Variants in MTRF1 observed in about 807,000 individuals in gnomAD.
MTRF1 encodes the protein mitochondrial translation release factor 1.
In MTRF1, 51 loss-of-function variants were observed where a neutral mutation model predicts 62.9. That is an observed-to-expected ratio of 0.81 (90% CI 0.65 to 1.02). The LOEUF (loss-of-function observed/expected upper bound fraction) is 1.02. Among genes scored for constraint, MTRF1 ranks in the 50% least tolerant of loss-of-function variants. The pLI is 0.00. For missense variants in MTRF1, 446 were observed against 530.0 expected, an observed-to-expected ratio of 0.84 and a Z score of 1.56; for synonymous variants, 158 against 181.9, an observed-to-expected ratio of 0.87 and a Z score of 1.06.
chr13:41,283,812 C>T, the MTRF1 span, among the ~76,000 whole-genome samples: 4 of 151,700 alleles, frequency 2.6e-5, no homozygotes, highest in Non-Finnish European at 4.4e-5. Context: ...CTCCTGACCT[C>T]GTGATCCACC....
upstream of MTRF1, chr13:41,263,644 C>G (rs546448951): frequency 3.0e-4 from 53 of 174,350 alleles, no homozygotes; most frequent in African/African-American, 9.0e-4. Context: ...CACTACCGCT[C>G]TCCGGAGGAG....
intron 5 of MTRF1, among the ~76,000 whole-genome samples, chr13:41,244,585 T>C (rs2037991172): frequency 6.6e-6 from 1 of 152,186 alleles, no homozygotes; most frequent in Non-Finnish European, 1.5e-5. Flanking sequence ...ATCAATAGCA[T>C]ATGGTATGAC....
chr13:41,299,695 CA>C, the MTRF1 span, among the ~76,000 whole-genome samples: 1 of 150,460 alleles, frequency 6.6e-6, no homozygotes, highest in Admixed American at 6.6e-5. Context: ...TTAAATTTGT[CA>C]ATTGAACTGA....
chr13:41,262,932 A>C (rs2040629442), intron 1 of MTRF1, among the ~76,000 whole-genome samples: 1 of 152,252 alleles, frequency 6.6e-6, no homozygotes, highest in African/African-American at 2.4e-5. Flanking sequence ...TAGGAAATAA[A>C]ATAGTCAGAA....
At chr13:41,217,680 T>G (rs1211973735) in intron 9 of MTRF1, among the ~76,000 whole-genome samples, 1 of 152,250 alleles carries the variant, frequency 6.6e-6, no homozygotes, top group African/African-American at 2.4e-5. Flanking sequence ...TCACATTATG[T>G]TATTTCCCAG....
intron 8 of MTRF1, 45 bp from the exon 9 acceptor site, chr13:41,223,399 T>G: frequency 6.7e-7 from 1 of 1,481,498 alleles, no homozygotes; most frequent in East Asian, 2.3e-5. Context: ...TTTATAAATG[T>G]CTTCATTACA....
At chr13:41,299,813 G>A in the MTRF1 span, among the ~76,000 whole-genome samples, 8 of 151,958 alleles carry the variant, frequency 5.3e-5, no homozygotes, top group Middle Eastern at 3.4e-3. Flanking sequence ...AAGCTCTAAG[G>A]CATAATTCAA....
chr13:41,244,397 T>C (rs954354084), intron 5 of MTRF1, among the ~76,000 whole-genome samples: 5 of 152,196 alleles, frequency 3.3e-5, no homozygotes, highest in African/African-American at 1.2e-4. Context: ...GTGTTGGTCG[T>C]TCTAGCTGGG....
At chr13:41,269,199 G>GTTTTTTTTTTTTTTTTTTTTGTT in the MTRF1 span, among the ~76,000 whole-genome samples, 1 of 68,698 alleles carries the variant, frequency 1.5e-5, no homozygotes. Context: ...TTTTTTTTTG[G>GTTTTTTTTTTTTTTTTTTTTGTT]TTTTTTTTTT....
At chr13:41,311,323 G>A in the MTRF1 span, 2 of 569,356 alleles carry the variant, frequency 3.5e-6, no homozygotes, top group African/African-American at 4.0e-5. Context: ...CCCAGGGGAA[G>A]CGTGTCCTGC....
chr13:41,260,442 GTTTTT>G, intron 2 of MTRF1, 46 bp downstream of exon 2: 2 of 1,370,908 alleles, frequency 1.5e-6, no homozygotes, highest in South Asian at 2.8e-5. Flanking sequence ...TAAGTGTGTG[GTTTTT>G]TTTTTCATAG....
chr13:41,223,733 T>C (rs1252594492), intron 8 of MTRF1, among the ~76,000 whole-genome samples: 1 of 152,234 alleles, frequency 6.6e-6, no homozygotes, highest in Non-Finnish European at 1.5e-5. Context: ...GAGTTTACTA[T>C]GCCAGGCTTT....
intron 9 of MTRF1, among the ~76,000 whole-genome samples, chr13:41,223,004 G>A (rs1035303930): frequency 6.6e-6 from 1 of 152,124 alleles, no homozygotes; most frequent in Non-Finnish European, 1.5e-5. Context: ...CTGAATATAC[G>A]TTCATGCATT....
At chr13:41,227,080 G>T (rs2034565351) in intron 7 of MTRF1, among the ~76,000 whole-genome samples, 1 of 152,064 alleles carries the variant, frequency 6.6e-6, no homozygotes. Context: ...CACAAGGTCA[G>T]GAGATCACGA....
chr13:41,226,406 A>G, intron 8 of MTRF1, 26 bp downstream of exon 8: 1 of 1,593,120 alleles, frequency 6.3e-7, no homozygotes, highest in Non-Finnish European at 8.5e-7. Context: ...AACAGTCACT[A>G]AATTATTATA....
At chr13:41,289,132 TA>T in the MTRF1 span, among the ~76,000 whole-genome samples, 3 of 151,472 alleles carry the variant, frequency 2.0e-5, no homozygotes, top group Non-Finnish European at 4.4e-5. Context: ...AGCAAAAATT[TA>T]AAAAAAAATA....
the MTRF1 span, among the ~76,000 whole-genome samples, chr13:41,280,394 C>G: frequency 4.5e-3 from 680 of 152,274 alleles, 8 homozygotes; most frequent in African/African-American, 0.015. Context: ...CAGTGTATTT[C>G]TTAAATGTAT....
chr13:41,304,911 C>T, the MTRF1 span, among the ~76,000 whole-genome samples: 1 of 152,216 alleles, frequency 6.6e-6, no homozygotes, highest in African/African-American at 2.4e-5. Context: ...CAGTTAGACA[C>T]TAAGGATTTA....
At chr13:41,267,609 C>T, upstream of MTRF1, among the ~76,000 whole-genome samples, 1 of 152,152 alleles carries the variant, frequency 6.6e-6, no homozygotes, top group Admixed American at 6.5e-5. Context: ...TGGCTCACAC[C>T]TGTAATCCCA....
Sources: gnomAD v4.1 joint callset for allele counts (sites outside exome capture counted in the v4.1 genomes callset) on GRCh38, gnomAD v4.1.1 for gene constraint, MANE v1.5 for transcripts, NCBI Gene and HGNC (gene_info 2026-07-23, HGNC 2026-07-21) for gene names.